Variants in LVRN observed in about 807,000 individuals in gnomAD.
LVRN encodes the protein aminopeptidase Q.
In LVRN, 99 loss-of-function variants were observed where a neutral mutation model predicts 111.4. The observed-to-expected ratio is 0.89, with a 90% CI of 0.76 to 1.05. The LOEUF (loss-of-function observed/expected upper bound fraction) is 1.05, where lower values mean the gene tolerates loss of function less well. Among genes scored for constraint, LVRN ranks in the 50% least tolerant of loss-of-function variants. The pLI is 0.00. For missense variants in LVRN, 1,414 were observed against 1,206.8 expected (o/e 1.17, Z -2.54); for synonymous variants, 488 against 449.5 (o/e 1.09, Z -1.08).
At chr5:116,025,177 G>A (rs887158238) in intron 19 of LVRN, among the ~76,000 whole-genome samples, 1 of 152,066 alleles carries the variant, frequency 6.6e-6, no homozygotes, top group Non-Finnish European at 1.5e-5. Context: ...GAGTGGGGGA[G>A]GATTGTTCCT....
chr5:115,999,762 A>G lies in LVRN; in HGVS notation c.1375A>G (p.Asn459Asp). 1.2e-6 allele frequency: 2 copies of G among 1,613,292 alleles called. No homozygotes were observed. Among genetic ancestry groups the G allele is most frequent in the Non-Finnish European group, 1.7e-6 (2 of 1,179,666 alleles). The change falls in exon 7 of 20, where the codon AAT becomes GAT. Residue 459 changes from asparagine (N) to aspartate (D), a missense_variant and splice_region_variant. Asn to Asp is a conservative substitution (Grantham distance 23). Coordinates refer to ENST00000357872, the MANE Select transcript of LVRN (RefSeq NM_173800.5). ...TGTGCCTCCATCTTTTCCTTTATAG[A>G]ATGAGATCTTTTTTTCTAACATTTT... The part of the protein sequence containing the change: ...INYFNPKLPR[N>D]EIFFSNILHN...
At chr5:116,013,772 A>G (rs1396080133) in intron 15 of LVRN, among the ~76,000 whole-genome samples, 3 of 152,132 alleles carry the variant, frequency 2.0e-5, no homozygotes, top group African/African-American at 4.8e-5. Context: ...AGGGACCACA[A>G]GGCATCACTT....
intron 10 of LVRN, 74 bp from the exon 11 acceptor site, chr5:116,002,761 C>A: frequency 9.2e-7 from 1 of 1,090,794 alleles, no homozygotes; most frequent in Non-Finnish European, 1.3e-6. Flanking sequence ...ATTTCATCAT[C>A]TCTTTAATAG....
chr5:115,976,161 AC>A (rs1753444991), intron 1 of LVRN: 1 of 152,102 alleles, frequency 6.6e-6, no homozygotes, highest in Admixed American at 6.6e-5. Context: ...CACTTCTGCC[AC>A]CCCTATATCC....
chr5:115,974,356 A>G (rs1753391557), intron 1 of LVRN, among the ~76,000 whole-genome samples: 1 of 152,240 alleles, frequency 6.6e-6, no homozygotes, highest in Non-Finnish European at 1.5e-5. Context: ...AAAGCGTAAC[A>G]CCTAACAGTT....
intron 1 of LVRN, among the ~76,000 whole-genome samples, chr5:115,964,439 C>T (rs542306846): frequency 1.3e-5 from 2 of 152,082 alleles, no homozygotes; most frequent in African/African-American, 4.8e-5. Flanking sequence ...CTTGGTTTTT[C>T]TTTAAAAAAT....
intron 14 of LVRN, among the ~76,000 whole-genome samples, chr5:116,011,664 C>T (rs1748491732): frequency 6.6e-6 from 1 of 152,162 alleles, no homozygotes; most frequent in South Asian, 2.1e-4. Context: ...GCCGAAGTAC[C>T]AATGGGAATT....
intron 4 of LVRN, among the ~76,000 whole-genome samples, chr5:115,991,281 A>G (rs1054302968): frequency 1.3e-5 from 2 of 152,146 alleles, no homozygotes; most frequent in Non-Finnish European, 2.9e-5. Flanking sequence ...AGAATGTCAT[A>G]TAGTTGGAAT....
At chr5:116,019,400 A>G (rs937727155) in intron 18 of LVRN, among the ~76,000 whole-genome samples, 16 of 152,186 alleles carry the variant, frequency 1.1e-4, no homozygotes, top group African/African-American at 3.4e-4. Flanking sequence ...ATTGATGAAT[A>G]TAAACAGGCA....
chr5:116,021,107 A>G (rs1748719610), intron 18 of LVRN: 1 of 152,228 alleles, frequency 6.6e-6, no homozygotes, highest in Non-Finnish European at 1.5e-5. Context: ...AGGTAATCTA[A>G]TAGGTGCTTC....
intron 18 of LVRN, among the ~76,000 whole-genome samples, chr5:116,017,048 G>C (rs542107719): frequency 1.6e-4 from 24 of 152,328 alleles, no homozygotes; most frequent in African/African-American, 5.5e-4. Context: ...AAATGCTGTA[G>C]AGGAGAGATG....
Position 115,962,558 on chromosome 5 carries a change from G to A in LVRN, c.-60G>A, listed in dbSNP as rs983155211. On this transcript the variant is annotated 5_prime_UTR_variant, in exon 1 of 20. Transcript: ENST00000357872. ...TCGCAGCACTGAACACCCTGGCCGG[G>A]GTTTTGACAGCTGCCACAGTCTCTG... 2 of 1,491,282 alleles carry A rather than the reference G, an allele frequency of 1.3e-6. No individual in the cohort carries two copies. Among genetic ancestry groups the A allele is most frequent in the African/African-American group, 2.8e-5 (2 of 72,618 alleles). 92.4% of individuals were successfully genotyped at this position (1,491,282 alleles called of 1,614,324 possible).
chr5:116,002,093 A>G (rs564341908), intron 10 of LVRN, among the ~76,000 whole-genome samples: 38 of 152,238 alleles, frequency 2.5e-4, no homozygotes, highest in African/African-American at 6.8e-4. Context: ...GCCTCAGGAA[A>G]GAGAAATGGG....
intron 19 of LVRN, 30 bp downstream of exon 19, chr5:116,022,496 T>C (rs765642193): frequency 6.9e-7 from 1 of 1,450,068 alleles, no homozygotes; most frequent in Non-Finnish European, 9.5e-7. Flanking sequence ...TGAAATACAA[T>C]GATAATTTGG....
intron 13 of LVRN, among the ~76,000 whole-genome samples, chr5:116,007,598 T>TA (rs1334391244): frequency 6.6e-6 from 1 of 152,228 alleles, no homozygotes; most frequent in Admixed American, 6.5e-5. Context: ...ACTGGTTTCT[T>TA]ATGCATAAGT....
At chr5:116,004,827 T>C (rs1044734625) in intron 12 of LVRN, among the ~76,000 whole-genome samples, 1 of 152,246 alleles carries the variant, frequency 6.6e-6, no homozygotes, top group Non-Finnish European at 1.5e-5. Context: ...ATATATGTAT[T>C]ATGTTTAACA....
intron 6 of LVRN, among the ~76,000 whole-genome samples, chr5:115,994,887 C>G (rs1228059853): frequency 1.3e-5 from 2 of 152,142 alleles, no homozygotes; most frequent in African/African-American, 4.8e-5. Context: ...CTGTTATAAA[C>G]CAGAGGTTCT....
At chr5:115,996,316 A>T (rs1748108861) in intron 6 of LVRN, among the ~76,000 whole-genome samples, 1 of 152,166 alleles carries the variant, frequency 6.6e-6, no homozygotes, top group Non-Finnish European at 1.5e-5. Flanking sequence ...CATATTCCTC[A>T]TATTTTTGAA....
intron 6 of LVRN, among the ~76,000 whole-genome samples, chr5:115,995,945 A>G (rs962154516): frequency 2.6e-5 from 1 of 38,890 alleles, no homozygotes; most frequent in Non-Finnish European, 4.8e-5. Context: ...CAAGAAGCTA[A>G]TCGTGTGTGT....
Sources: gnomAD v4.1 joint callset for allele counts (sites outside exome capture counted in the v4.1 genomes callset) on GRCh38, gnomAD v4.1.1 for gene constraint, MANE v1.5 for transcripts, NCBI Gene and HGNC (gene_info 2026-07-23, HGNC 2026-07-21) for gene names.